SGCD: variants seen among roughly 807,000 people sequenced by gnomAD.
SGCD encodes sarcoglycan delta.
A neutral mutation model predicts 36.6 loss-of-function variants in SGCD; 18 were observed. The observed-to-expected ratio is 0.49, with a 90% CI of 0.34 to 0.73. SGCD has a LOEUF of 0.73. Among genes scored for constraint, SGCD ranks in the 30% least tolerant of loss-of-function variants. The pLI is 0.01. For synonymous variants in SGCD, 133 were observed against 130.6 expected (o/e 1.02, Z -0.12); for missense variants, 387 against 346.7 (o/e 1.12, Z -0.92).
chr5:155,798,439 A>G, the SGCD span, among the ~76,000 whole-genome samples: 3 of 152,338 alleles, frequency 2.0e-5, no homozygotes, highest in Admixed American at 2.0e-4. Context: ...TTACCTTCTG[A>G]TTAATACCAT....
intron 1 of SGCD, among the ~76,000 whole-genome samples, chr5:155,948,339 A>G (rs976949600): frequency 6.6e-6 from 1 of 152,188 alleles, no homozygotes; most frequent in Non-Finnish European, 1.5e-5. Flanking sequence ...CCTTACTCCC[A>G]GTAGGTACTC....
intron 3 of SGCD, among the ~76,000 whole-genome samples, chr5:156,466,699 G>A (rs1193740783): frequency 1.3e-5 from 2 of 152,174 alleles, no homozygotes; most frequent in Non-Finnish European, 2.9e-5. Context: ...ACATTATGAT[G>A]TAGAAGGATT....
At chr5:155,992,618 GC>G (rs1758456354) in intron 1 of SGCD, among the ~76,000 whole-genome samples, 4 of 152,110 alleles carry the variant, frequency 2.6e-5, no homozygotes, top group Admixed American at 2.6e-4. Context: ...CATCACTAAA[GC>G]CAAAAGCATT....
At chr5:156,261,203 T>C (rs535403023) in intron 3 of SGCD, among the ~76,000 whole-genome samples, 1 of 152,310 alleles carries the variant, frequency 6.6e-6, no homozygotes, top group East Asian at 1.9e-4. Context: ...TTTCTGAGTT[T>C]CTATAGTATT....
At chr5:155,906,084 A>C (rs535834612) in intron 1 of SGCD, among the ~76,000 whole-genome samples, 34 of 152,294 alleles carry the variant, frequency 2.2e-4, no homozygotes, top group African/African-American at 7.9e-4. Flanking sequence ...ACTATCCTTC[A>C]AACTTTTTCA....
chr5:156,059,628 T>TG (rs1760153245), intron 1 of SGCD, among the ~76,000 whole-genome samples: 1 of 145,982 alleles, frequency 6.9e-6, no homozygotes, highest in African/African-American at 2.5e-5. Flanking sequence ...GTGGCAGTCC[T>TG]GCTCTGTGAC....
At chr5:155,879,595 AG>A (rs1755837899) in intron 1 of SGCD, among the ~76,000 whole-genome samples, 1 of 152,196 alleles carries the variant, frequency 6.6e-6, no homozygotes, top group Non-Finnish European at 1.5e-5. Flanking sequence ...TAATTGTATA[AG>A]ATGCAGTTTG....
the SGCD span, among the ~76,000 whole-genome samples, chr5:155,785,582 C>T: frequency 2.0e-5 from 3 of 152,200 alleles, no homozygotes; most frequent in African/African-American, 7.2e-5. Context: ...CTTCCCTTTC[C>T]ATGGACAAAG....
At chr5:156,365,299 T>C (rs1770034275) in intron 3 of SGCD, among the ~76,000 whole-genome samples, 1 of 152,184 alleles carries the variant, frequency 6.6e-6, no homozygotes, top group Admixed American at 6.5e-5. Flanking sequence ...TACCAAAAAC[T>C]AGGAATTCCA....
intron 7 of SGCD, among the ~76,000 whole-genome samples, chr5:156,677,924 C>G (rs1753579404): frequency 6.6e-6 from 1 of 152,140 alleles, no homozygotes; most frequent in Non-Finnish European, 1.5e-5. Flanking sequence ...TCTCCATGGC[C>G]TTTTGCATCA....
intron 4 of SGCD, among the ~76,000 whole-genome samples, chr5:156,518,595 AT>A (rs1757281289): frequency 2.0e-5 from 3 of 152,060 alleles, no homozygotes. Flanking sequence ...TAAAATTCCA[AT>A]TGTGATTGGA....
intron 3 of SGCD, among the ~76,000 whole-genome samples, chr5:156,454,297 T>C (rs1409412374): frequency 6.6e-6 from 1 of 152,098 alleles, no homozygotes; most frequent in Non-Finnish European, 1.5e-5. Context: ...AATCATGAGA[T>C]AGAAACCACA....
chr5:156,323,523 A>G (rs998146470), upstream of SGCD, among the ~76,000 whole-genome samples: 22 of 152,048 alleles, frequency 1.4e-4, no homozygotes, highest in Admixed American at 1.3e-3. Flanking sequence ...ATGAGGGTCT[A>G]CTATATACCC....
At chr5:156,207,290 C>T (rs1297370311) in intron 3 of SGCD, among the ~76,000 whole-genome samples, 1 of 152,054 alleles carries the variant, frequency 6.6e-6, no homozygotes, top group Admixed American at 6.6e-5. Context: ...GGAAAAAATT[C>T]AGTAAAATGG....
At chr5:155,871,054 A>T (rs1434983451) in intron 1 of SGCD, among the ~76,000 whole-genome samples, 3 of 151,820 alleles carry the variant, frequency 2.0e-5, no homozygotes, top group African/African-American at 7.3e-5. Context: ...TTTTTTTTGC[A>T]ACTTTTCTGT....
At chr5:156,438,329 A>G (rs1753332813) in intron 3 of SGCD, among the ~76,000 whole-genome samples, 1 of 152,108 alleles carries the variant, frequency 6.6e-6, no homozygotes, top group Non-Finnish European at 1.5e-5. Flanking sequence ...ACTGTAGCTT[A>G]AGGACCTATT....
chr5:156,158,202 G>A (rs1275917379), intron 3 of SGCD, among the ~76,000 whole-genome samples: 1 of 151,502 alleles, frequency 6.6e-6, no homozygotes, highest in Non-Finnish European at 1.5e-5. Context: ...CACATCTATA[G>A]GATAAGGGTT....
intron 1 of SGCD, among the ~76,000 whole-genome samples, chr5:155,977,059 C>G (rs1365334999): frequency 6.6e-6 from 1 of 152,190 alleles, no homozygotes. Flanking sequence ...CTTATCAGCC[C>G]CATTTCTTAA....
At chr5:155,742,793 C>A in the SGCD span, among the ~76,000 whole-genome samples, 6 of 152,194 alleles carry the variant, frequency 3.9e-5, no homozygotes, top group Non-Finnish European at 7.3e-5. Context: ...CTTCAGATGC[C>A]AATCACAAGC....
Sources: gnomAD v4.1 joint callset for allele counts (sites outside exome capture counted in the v4.1 genomes callset) on GRCh38, gnomAD v4.1.1 for gene constraint, MANE v1.5 for transcripts, NCBI Gene and HGNC (gene_info 2026-07-23, HGNC 2026-07-21) for gene names.